Variants in MARK1 observed in about 807,000 individuals in gnomAD.
MARK1 encodes the protein serine/threonine-protein kinase MARK1.
A neutral mutation model predicts 96.3 loss-of-function variants in MARK1; 40 were observed. That is an observed-to-expected ratio of 0.42 (90% CI 0.32 to 0.54). The LOEUF (loss-of-function observed/expected upper bound fraction) is 0.54, where lower values mean the gene tolerates loss of function less well. Ranked by LOEUF, MARK1 falls within the 20% of genes least tolerant of loss-of-function variation. The pLI, the probability that MARK1 is intolerant of heterozygous loss-of-function variation, is 0.16. For synonymous variants in MARK1, 317 were observed against 341.2 expected, an observed-to-expected ratio of 0.93 and a Z score of 0.78; for missense variants, 719 against 984.6, an observed-to-expected ratio of 0.73 and a Z score of 3.61.
At chr1:220,658,665 G>T (rs546166963) in intron 17 of MARK1, among the ~76,000 whole-genome samples, 15 of 152,156 alleles carry the variant, frequency 9.9e-5, no homozygotes, top group Non-Finnish European at 1.9e-4. Context: ...CTTCATTCAG[G>T]AACGATTGTG....
intron 1 of MARK1, among the ~76,000 whole-genome samples, chr1:220,570,944 A>G (rs2244448): frequency 0.26 from 39,432 of 152,058 alleles, 5,908 homozygotes; most frequent in East Asian, 0.46. Flanking sequence ...ATTTATTTCA[A>G]TAGCTTTTTC....
Position 220,661,820 on chromosome 1 carries a change from C to G in MARK1, c.2042C>G (p.Ser681Ter). The stretch of plus-strand genomic sequence containing the variant: ...TTGCCCTCTTGTTCCAGAAGTACAT[C>G]AGGGGAACCAAAAGAAAGAGACAAG... ...SGRTDTSRSTSGEPKERDKEE... is the reference protein window; with the variant it reads ...SGRTDTSRST The change falls in exon 18 of 18, where the codon TCA (serine) becomes TGA (stop). Residue 681 changes from serine (S) to a stop codon, truncating the protein, a stop_gained. Transcript: ENST00000366917. LOFTEE classifies it high-confidence loss of function. 6.2e-7 allele frequency: 1 copy of G among 1,604,834 alleles called. No individual in the cohort carries two copies. The highest frequency in any genetic ancestry group is 8.5e-7 in the Non-Finnish European group (1 of 1,174,354).
intron 6 of MARK1, among the ~76,000 whole-genome samples, chr1:220,607,237 C>T (rs547261310): frequency 4.6e-5 from 7 of 152,224 alleles, no homozygotes; most frequent in African/African-American, 1.2e-4. Flanking sequence ...AGGTCCTTCA[C>T]GTCCCTTGTA....
chr1:220,533,003 C>T (rs1447869593), intron 1 of MARK1, among the ~76,000 whole-genome samples: 2 of 26,226 alleles, frequency 7.6e-5, no homozygotes, highest in East Asian at 1.3e-3. Context: ...GAGTGTGAAC[C>T]CTTTTTTTTA....
At chr1:220,639,636 GCTC>G (rs1668160971) in intron 13 of MARK1, among the ~76,000 whole-genome samples, 1 of 152,084 alleles carries the variant, frequency 6.6e-6, no homozygotes, top group African/African-American at 2.4e-5. Flanking sequence ...AAAGAGGCAG[GCTC>G]CTCATGCTCC....
intron 5 of MARK1, among the ~76,000 whole-genome samples, chr1:220,601,612 A>G (rs1028872770): frequency 2.0e-5 from 3 of 152,200 alleles, no homozygotes; most frequent in African/African-American, 4.8e-5. Flanking sequence ...TATAAAATTT[A>G]GAGAAAGGGG....
chr1:220,546,236 TA>T (rs937361619), intron 1 of MARK1, among the ~76,000 whole-genome samples: 1 of 152,236 alleles, frequency 6.6e-6, no homozygotes, highest in African/African-American at 2.4e-5. Flanking sequence ...GTTTTCCTTA[TA>T]GTTTTAACAA....
rs3753875 is a variant in MARK1, at chr1:220,627,062, C to A, written c.910-3973C>A. The A allele has an allele frequency of 2.4e-4, 128 of 541,450 alleles. 1 individual carries two copies. The East Asian group carries it at 6.5e-3, about 27-fold the overall frequency. The allele number at this position is 541,450 out of a possible 1,614,324, so 33.5% of individuals were successfully genotyped here. On this transcript the variant is annotated intron_variant, in intron 9 of 17. Coordinates refer to ENST00000366917, the MANE Select transcript of MARK1 (RefSeq NM_018650.5). ...CATCAGTCCTTCCAGTATGACTAAC[C>A]AGAACACGAATGGTACTTGGAGAAG...
chr1:220,628,466 A>G (rs1256295859), intron 9 of MARK1, among the ~76,000 whole-genome samples: 1 of 152,144 alleles, frequency 6.6e-6, no homozygotes, highest in African/African-American at 2.4e-5. Flanking sequence ...TGCTAAACAC[A>G]AGGGGCTACT....
In MARK1 at chr1:220,660,909, C is replaced by T. The variant is rs1345943544; in HGVS notation, c.2034-903C>T. Among the ~76,000 whole-genome samples the T allele has an allele frequency of 2.6e-5, 4 of 152,146 alleles. No homozygotes were observed. In the South Asian group the frequency reaches 8.3e-4, roughly 31 times the overall value. On this transcript the variant is annotated intron_variant, in intron 17 of 17. Coordinates refer to ENST00000366917, the MANE Select transcript of MARK1 (RefSeq NM_018650.5). ...ATGGTAGATTCAGACAACACCCTAA[C>T]AAATGGGTTAAATAATATGTTAGAA...
chr1:220,536,829 C>T (rs899634239), intron 1 of MARK1, among the ~76,000 whole-genome samples: 6 of 152,204 alleles, frequency 3.9e-5, no homozygotes, highest in African/African-American at 7.2e-5. Context: ...GATCTACCTG[C>T]CTCAGCCTGC....
chr1:220,646,821 C>G (rs1337595146), intron 13 of MARK1, among the ~76,000 whole-genome samples: 2 of 152,068 alleles, frequency 1.3e-5, no homozygotes, highest in East Asian at 3.8e-4. Flanking sequence ...CCTATTTTAA[C>G]AAATTGTGCT....
At chr1:220,633,263 A>G (rs1667767757) in intron 11 of MARK1, among the ~76,000 whole-genome samples, 1 of 152,182 alleles carries the variant, frequency 6.6e-6, no homozygotes, top group Non-Finnish European at 1.5e-5. Context: ...CATCCAAACC[A>G]TATCATGAAG....
chr1:220,644,090 G>T lies in MARK1; in HGVS notation c.1471-6530G>T, dbSNP rs565143597. Among the ~76,000 whole-genome samples the T allele has an allele frequency of 5.9e-5, 9 of 152,230 alleles. No individual in the cohort carries two copies. The South Asian group carries it at 1.9e-3, about 32-fold the overall frequency. The stretch of plus-strand genomic sequence containing the variant: ...AACAATATTAACCTTAAATGTAAAT[G>T]AGCTGAATACCCCAATTAAAAGACA... On this transcript the variant is annotated intron_variant, in intron 13 of 17. Coordinates refer to ENST00000366917, the MANE Select transcript of MARK1 (RefSeq NM_018650.5).
chr1:220,643,581 A>G (rs1172118578), intron 13 of MARK1, among the ~76,000 whole-genome samples: 5 of 152,194 alleles, frequency 3.3e-5, no homozygotes, highest in African/African-American at 1.2e-4. Flanking sequence ...GGAGGACCCC[A>G]ATAAGATACT....
chr1:220,642,930 C>T (rs1213912696), intron 13 of MARK1, among the ~76,000 whole-genome samples: 1 of 151,922 alleles, frequency 6.6e-6, no homozygotes, highest in East Asian at 1.9e-4. Flanking sequence ...AAAAAAGACC[C>T]CACAAAAACC....
chr1:220,605,329 G>C (rs967130757), intron 6 of MARK1, among the ~76,000 whole-genome samples: 12 of 152,046 alleles, frequency 7.9e-5, no homozygotes, highest in Non-Finnish European at 1.8e-4. Context: ...TGTTAAAATA[G>C]CTGAATGTAA....
rs1359466182 is a variant in MARK1 at position 220,528,352 on chromosome 1, T to A, written c.-471T>A. ...GCTGGGTCGGGCGGCGCCGTACACCTGAGGCGGAGAACGGGGCGCGGCGCG... is the reference window on the plus strand; with the variant it reads ...GCTGGGTCGGGCGGCGCCGTACACCAGAGGCGGAGAACGGGGCGCGGCGCG... On this transcript the variant is annotated 5_prime_UTR_variant, in exon 1 of 18. An upstream open reading frame in the 5' UTR loses its in-frame stop. Transcript: ENST00000366917. 6.5e-6 allele frequency: 1 copy of A among 154,222 alleles called. No homozygotes were observed. Among genetic ancestry groups the A allele is most frequent in the African/African-American group, 2.4e-5 (1 of 41,446 alleles). The allele number at this position is 154,222 out of a possible 1,614,324, so 9.6% of individuals were successfully genotyped here.
rs2102674075 is a variant in MARK1, at chr1:220,528,347, A to T, written c.-476A>T. ...ATGCGGCTGGGTCGGGCGGCGCCGT[A>T]CACCTGAGGCGGAGAACGGGGCGCG... On this transcript the variant is annotated 5_prime_UTR_variant, in exon 1 of 18. Transcript: ENST00000366917. The T allele has an allele frequency of 6.5e-6, 1 of 153,148 alleles. No individual in the cohort carries two copies. Among genetic ancestry groups the T allele is most frequent in the East Asian group, 1.9e-4 (1 of 5,136 alleles). The allele number at this position is 153,148 out of a possible 1,614,324, so 9.5% of individuals were successfully genotyped here. A position where few individuals can be genotyped will look rare whatever the true frequency, so the allele number is the denominator to read the frequency against.
Sources: allele counts gnomAD v4.1 joint callset (sites outside exome capture counted in the v4.1 genomes callset), GRCh38; gene constraint gnomAD v4.1.1; transcripts MANE v1.5; gene names NCBI Gene and HGNC (gene_info 2026-07-23, HGNC 2026-07-21).